PRRC2C: variants seen among roughly 807,000 people sequenced by gnomAD.
PRRC2C encodes the protein proline rich coiled-coil 2C, also known as protein PRRC2C.
Under a neutral mutation model 317.2 loss-of-function variants are expected in PRRC2C, and 72 were observed. The observed-to-expected ratio is 0.23, with a 90% CI of 0.19 to 0.28. The LOEUF (loss-of-function observed/expected upper bound fraction) is 0.28. Ranked by LOEUF, PRRC2C falls within the 10% of genes least tolerant of loss-of-function variation. The probability of loss-of-function intolerance (pLI) is 1.00; values close to 1 mark genes in which losing one functional copy is unlikely to be tolerated. For synonymous variants in PRRC2C, 1,296 were observed against 1,205.9 expected, an observed-to-expected ratio of 1.07 and a Z score of -1.55; for missense variants, 3,074 against 3,459.7, an observed-to-expected ratio of 0.89 and a Z score of 2.80.
At chr1:171,561,509 C>T (rs1316885789) in intron 20 of PRRC2C, among the ~76,000 whole-genome samples, 3 of 152,148 alleles carry the variant, frequency 2.0e-5, no homozygotes, top group African/African-American at 7.2e-5. Flanking sequence ...GCAATTAAAA[C>T]AGATTGCTGA....
At chr1:171,573,673 CTTTTTTTT>C (rs1024285954) in intron 24 of PRRC2C, among the ~76,000 whole-genome samples, 1 of 85,814 alleles carries the variant, frequency 1.2e-5, no homozygotes, top group African/African-American at 4.7e-5. Context: ...TCTCAAAATT[CTTTTTTTT>C]TTTTTTTTTT....
intron 1 of PRRC2C, among the ~76,000 whole-genome samples, chr1:171,492,742 A>T (rs546750731): frequency 2.7e-5 from 4 of 147,218 alleles, no homozygotes; most frequent in Non-Finnish European, 4.5e-5. Flanking sequence ...TTTTAATTTT[A>T]TTTATTTATT....
intron 23 of PRRC2C, among the ~76,000 whole-genome samples, chr1:171,568,907 A>C (rs540660694): frequency 1.8e-4 from 27 of 152,178 alleles, no homozygotes; most frequent in Non-Finnish European, 1.2e-4. Flanking sequence ...GGTGATGTTA[A>C]GTCATGTTGT....
At chr1:171,518,661 C>CTTTTTTTT (rs386368727) in intron 6 of PRRC2C, among the ~76,000 whole-genome samples, 3 of 58,136 alleles carry the variant, frequency 5.2e-5, no homozygotes, top group African/African-American at 2.3e-4. Flanking sequence ...CCACACCTGG[C>CTTTTTTTT]TTTTTTTTTT....
rs760775274 is a variant in PRRC2C, at chr1:171,541,762, G to A, written c.4296G>A (p.Arg1432=). 4 of 1,613,958 alleles carry A rather than the reference G, an allele frequency of 2.5e-6. No homozygotes were observed. In the South Asian group the frequency reaches 3.3e-5, roughly 13 times the overall value. ...GGCAGCGTCCTACTCGACCACCAAGGCAAGACAAGCCACCTCGATTTAGAC... is the reference window on the plus strand; with the variant it reads ...GGCAGCGTCCTACTCGACCACCAAGACAAGACAAGCCACCTCGATTTAGAC... ...PRRQRPTRPP[R]QDKPPRFRRL... The change falls in exon 16 of 35, where the codon AGG becomes AGA. Residue 1432 remains arginine (R), a synonymous_variant. Transcript: ENST00000647382. This position sits in a 1 kb window ranked among gnomAD's most constrained non-coding sequence, Gnocchi z 4.1.
intron 23 of PRRC2C, 23 bp from the exon 24 acceptor site, chr1:171,571,297 A>G (rs1220596868): frequency 1.5e-6 from 2 of 1,358,740 alleles, no homozygotes; most frequent in Admixed American, 1.7e-5. Context: ...TTAGATTGTG[A>G]TATGTGTTGC....
chr1:171,523,384 A>G (rs1673969828), intron 8 of PRRC2C, 30 bp downstream of exon 8: 1 of 1,613,700 alleles, frequency 6.2e-7, no homozygotes, highest in South Asian at 1.1e-5. Context: ...AAGTCCTTTA[A>G]ATTGTTAGAT....
Position 171,536,172 on chromosome 1 carries a change from T to C in PRRC2C, c.2187T>C (p.His729=). 1 of 1,612,206 alleles carries C rather than the reference T, an allele frequency of 6.2e-7. No individual in the cohort carries two copies. Among genetic ancestry groups the C allele is most frequent in the Non-Finnish European group, 8.5e-7 (1 of 1,179,132 alleles). Residue 729 remains histidine, a synonymous_variant, in exon 14 of 35, where the codon CAT becomes CAC. Coordinates refer to ENST00000647382, the MANE Select transcript of PRRC2C (RefSeq NM_001387844.1). ...AGCCTATGCAGCCTCATCCTCAGCA[T>C]TTGGCTTCTATGGGTTTTGATCCAA... is the stretch of plus-strand genomic sequence containing the variant. ...LYQPMQPHPQ[H]LASMGFDPRW... is the part of the protein sequence containing the mutation.
chr1:171,521,837 A>G lies in PRRC2C; in HGVS notation c.751-340A>G, dbSNP rs1316250309. 2.0e-5 allele frequency among the ~76,000 whole-genome samples: 3 copies of G among 152,342 alleles called. No individual in the cohort carries two copies. The East Asian group carries it at 5.8e-4, about 29-fold the overall frequency. On this transcript the variant is annotated intron_variant, in intron 6 of 34. Coordinates refer to ENST00000647382, the MANE Select transcript of PRRC2C (RefSeq NM_001387844.1). ...TAATTTATATCTTGTTGACACAGTT[A>G]CTTTAATGTAATTTTACATTACATA...
chr1:171,524,731 T>C (rs1674249786), intron 9 of PRRC2C, 90 bp from the exon 10 acceptor site: 2 of 1,310,654 alleles, frequency 1.5e-6, no homozygotes, highest in Non-Finnish European at 2.0e-6. Context: ...CCAGAAACCA[T>C]ACAGAAATAA....
At chr1:171,538,089 A>G (rs950035622) in intron 15 of PRRC2C, among the ~76,000 whole-genome samples, 2 of 151,930 alleles carry the variant, frequency 1.3e-5, no homozygotes, top group Non-Finnish European at 2.9e-5. Context: ...TTTAGTAGAG[A>G]CGGGGTTTCA....
intron 25 of PRRC2C, among the ~76,000 whole-genome samples, chr1:171,576,205 G>A (rs983137957): frequency 2.0e-5 from 3 of 152,198 alleles, no homozygotes; most frequent in African/African-American, 7.2e-5. Flanking sequence ...TTTGGGATGG[G>A]GGGGTTAGTG....
chr1:171,487,909 A>G (rs554989912), intron 1 of PRRC2C, among the ~76,000 whole-genome samples: 2 of 152,234 alleles, frequency 1.3e-5, no homozygotes, highest in Non-Finnish European at 2.9e-5. Context: ...TGATATGTCT[A>G]CTTATATGCA....
intron 20 of PRRC2C, among the ~76,000 whole-genome samples, chr1:171,563,434 T>G (rs1683066401): frequency 6.6e-6 from 1 of 152,132 alleles, no homozygotes; most frequent in South Asian, 2.1e-4. Flanking sequence ...CCATTTATAA[T>G]TTTTTTCTGA....
chr1:171,549,938 G>C, intron 17 of PRRC2C, 148 bp from the exon 18 acceptor site: 1 of 465,600 alleles, frequency 2.1e-6, no homozygotes, highest in East Asian at 3.5e-5. Context: ...CATGCAATAG[G>C]GTGAGAAATA....
At chr1:171,536,889 G>T (rs1485991925) in intron 14 of PRRC2C, among the ~76,000 whole-genome samples, 3 of 152,156 alleles carry the variant, frequency 2.0e-5, no homozygotes, top group African/African-American at 7.2e-5. Flanking sequence ...ATTTAGGAAA[G>T]AATTTTCTCT....
At chr1:171,589,312 T>C in intron 33 of PRRC2C, 57 bp from the exon 34 acceptor site, 1 of 649,978 alleles carries the variant, frequency 1.5e-6, no homozygotes, top group Non-Finnish European at 2.2e-6. Context: ...TTGGCAGTTT[T>C]TTTTTTTTTT....
rs1685464228 is a variant in PRRC2C at position 171,575,091 on chromosome 1, T to A, written c.6918T>A (p.Ile2306=). Residue 2306 remains isoleucine (I), a synonymous_variant, in exon 25 of 35, where the codon ATT becomes ATA. Transcript: ENST00000647382. ...NSFSSASMPQ[I]PVASVTPTAS... is the part of the protein sequence containing the mutation. Reference sequence around the variant, plus strand: ...TCTCAAGTGCATCCATGCCCCAGATTCCTGTTGCTTCAGTCACTCCTACAG... The same window carrying A: ...TCTCAAGTGCATCCATGCCCCAGATACCTGTTGCTTCAGTCACTCCTACAG... 1 of 1,613,838 alleles carries A rather than the reference T, an allele frequency of 6.2e-7. No individual in the cohort carries two copies. Among genetic ancestry groups the A allele is most frequent in the Non-Finnish European group, 8.5e-7 (1 of 1,179,874 alleles).
At chr1:171,545,783 A>T in intron 17 of PRRC2C, 96 bp downstream of exon 17, 2 of 867,866 alleles carry the variant, frequency 2.3e-6, no homozygotes, top group Non-Finnish European at 3.0e-6. Context: ...ACAATTAAAG[A>T]AGTTTTCCAA....
Sources: allele counts gnomAD v4.1 joint callset (sites outside exome capture counted in the v4.1 genomes callset), GRCh38; gene constraint gnomAD v4.1.1; non-coding constraint Gnocchi (gnomAD v3.1); transcripts MANE v1.5; gene names NCBI Gene and HGNC (gene_info 2026-07-23, HGNC 2026-07-21).